ROBO1: variants seen among roughly 807,000 people sequenced by gnomAD.
ROBO1 encodes roundabout guidance receptor 1, also known as roundabout homolog 1.
A neutral mutation model predicts 195.9 loss-of-function variants in ROBO1; 149 were observed. The ratio of observed to expected loss-of-function variants is 0.76; its 90% CI spans 0.67 to 0.87. The LOEUF (loss-of-function observed/expected upper bound fraction) is 0.87, where lower values mean the gene tolerates loss of function less well. Ranked by LOEUF, ROBO1 falls within the 40% of genes least tolerant of loss-of-function variation. ROBO1 has a pLI of 0.00. For synonymous variants in ROBO1, 816 were observed against 733.2 expected (o/e 1.11, Z -1.82); for missense variants, 1,933 against 2,068.3 (o/e 0.93, Z 1.27).
rs192571674 is a variant in ROBO1, at chr3:79,459,110, T to A, written c.88+130714A>T. Among the ~76,000 whole-genome samples, 3 of 152,250 alleles carry A rather than the reference T, an allele frequency of 2.0e-5. No homozygotes were observed. The East Asian group carries it at 5.8e-4, about 29-fold the overall frequency. ...GTAATTTCCTGAAGTACAATATCAA[T>A]ATGCATCACATTTATACTTTACTAC... is the stretch of plus-strand genomic sequence containing the variant. On this transcript the variant is annotated intron_variant, in intron 2 of 30. Coordinates refer to ENST00000464233, the MANE Select transcript of ROBO1 (RefSeq NM_002941.4).
At chr3:79,368,304 G>A (rs946692339) in intron 2 of ROBO1, among the ~76,000 whole-genome samples, 1 of 152,126 alleles carries the variant, frequency 6.6e-6, no homozygotes, top group Non-Finnish European at 1.5e-5. Flanking sequence ...TCATGCTAGA[G>A]TCCTAGAGAC....
rs573200940 is a variant in ROBO1, at chr3:78,599,016, T to A, written c.4942-89A>T. 6.2e-5 allele frequency: 45 copies of A among 722,476 alleles called. No homozygotes were observed. The African/African-American group carries it at 7.8e-4, about 13-fold the overall frequency. 44.8% of individuals were successfully genotyped at this position (722,476 alleles called of 1,614,324 possible). On this transcript the variant is annotated intron_variant, in intron 30 of 30. Transcript: ENST00000464233. ...TTATATGCATTTATTATTATTATAA[T>A]TTAATGTGTCTTTTCATTTATTCAA...
intron 4 of ROBO1, among the ~76,000 whole-genome samples, chr3:78,760,465 A>G (rs2083069430): frequency 6.6e-6 from 1 of 152,122 alleles, no homozygotes; most frequent in Non-Finnish European, 1.5e-5. Flanking sequence ...CAGTACTCTA[A>G]CTAATTTAGT....
chr3:79,244,955 G>GT (rs1171394343), intron 2 of ROBO1, among the ~76,000 whole-genome samples: 1 of 152,044 alleles, frequency 6.6e-6, no homozygotes, highest in African/African-American at 2.4e-5. Flanking sequence ...ACAACAAGAC[G>GT]TAAGTGGCAT....
intron 11 of ROBO1, among the ~76,000 whole-genome samples, chr3:78,669,821 C>T (rs548690293): frequency 6.6e-6 from 1 of 152,326 alleles, no homozygotes; most frequent in African/African-American, 2.4e-5. Flanking sequence ...TATTCTCTCA[C>T]AAACCCTCAT....
chr3:79,030,295 G>T (rs2078271677), intron 3 of ROBO1, among the ~76,000 whole-genome samples: 1 of 152,178 alleles, frequency 6.6e-6, no homozygotes, highest in African/African-American at 2.4e-5. Context: ...GTGGTGAGAA[G>T]GTGGTATAGG....
At chr3:79,293,885 C>T (rs1419472520) in intron 2 of ROBO1, among the ~76,000 whole-genome samples, 4 of 150,622 alleles carry the variant, frequency 2.7e-5, no homozygotes, top group African/African-American at 4.9e-5. Flanking sequence ...GGTGAAACCC[C>T]GTCTCTACTA....
intron 1 of ROBO1, among the ~76,000 whole-genome samples, chr3:79,614,109 A>G (rs1944748022): frequency 6.6e-6 from 1 of 152,138 alleles, no homozygotes; most frequent in Admixed American, 6.6e-5. Flanking sequence ...AAATATCATT[A>G]GGAATACAGA....
At position 79,263,128 on chromosome 3, in the gene ROBO1, A is replaced by G. The variant is rs111827588; in HGVS notation, c.89-137589T>C. 8.0e-4 allele frequency among the ~76,000 whole-genome samples: 121 copies of G among 152,000 alleles called. 1 individual carries two copies. The highest frequency in any genetic ancestry group is 2.8e-3 in the African/African-American group (118 of 41,470). ...CATTTTCATATTTTCCCTTTCTTCA[A>G]TTTTCCTGCAGCTATGAAATCTGCG... On this transcript the variant is annotated intron_variant, in intron 2 of 30. Coordinates refer to ENST00000464233, the MANE Select transcript of ROBO1 (RefSeq NM_002941.4).
Position 79,445,480 on chromosome 3 carries a change from TG to T in ROBO1, c.88+144343del, listed in dbSNP as rs144942121. On this transcript the variant is annotated intron_variant, in intron 2 of 30. Coordinates refer to ENST00000464233, the MANE Select transcript of ROBO1 (RefSeq NM_002941.4). ...TTTTTTTGGTAAACAATACAGAAAT[TG>T]TTTTTTTTTTTTTTTTTTTTGGCGT... Among the ~76,000 whole-genome samples, 165 of 118,906 alleles carry T rather than the reference TG, an allele frequency of 1.4e-3. 1 individual carries two copies. Among genetic ancestry groups the T allele is most frequent in the African/African-American group, 3.4e-3 (108 of 31,684 alleles). 78.0% of individuals were successfully genotyped at this position (118,906 alleles called of 152,430 possible). A position where few individuals can be genotyped will look rare whatever the true frequency, so the allele number is the denominator to read the frequency against.
At chr3:78,710,801 A>T (rs1293745513) in intron 8 of ROBO1, among the ~76,000 whole-genome samples, 2 of 152,198 alleles carry the variant, frequency 1.3e-5, no homozygotes, top group Non-Finnish European at 1.5e-5. Flanking sequence ...AAGACATTTT[A>T]AAAAGTCTTC....
chr3:79,079,691 A>G (rs761235846), intron 3 of ROBO1, among the ~76,000 whole-genome samples: 2 of 151,832 alleles, frequency 1.3e-5, no homozygotes, highest in Non-Finnish European at 2.9e-5. Flanking sequence ...AAATCAAACG[A>G]CTAATGTTAT....
At chr3:79,391,724 G>A (rs2036958281) in intron 2 of ROBO1, among the ~76,000 whole-genome samples, 1 of 152,046 alleles carries the variant, frequency 6.6e-6, no homozygotes, top group South Asian at 2.1e-4. Context: ...GGGGATAAAA[G>A]CAACTGAAAT....
At chr3:78,943,011 G>A (rs2040222137) in intron 3 of ROBO1, among the ~76,000 whole-genome samples, 1 of 151,980 alleles carries the variant, frequency 6.6e-6, no homozygotes, top group Non-Finnish European at 1.5e-5. Flanking sequence ...TCAGGAGATG[G>A]AGACCATCCT....
chr3:79,037,794 T>C (rs184933417), intron 3 of ROBO1, among the ~76,000 whole-genome samples: 2 of 152,334 alleles, frequency 1.3e-5, no homozygotes, highest in Admixed American at 1.3e-4. Flanking sequence ...ACATTTTATG[T>C]TCTAATTTAG....
chr3:78,994,811 C>T (rs1022714948), intron 3 of ROBO1, among the ~76,000 whole-genome samples: 1 of 152,178 alleles, frequency 6.6e-6, no homozygotes, highest in African/African-American at 2.4e-5. Context: ...TCTAAAATTA[C>T]ACTGGTTGAA....
chr3:79,588,228 G>A (rs977181745), intron 2 of ROBO1, among the ~76,000 whole-genome samples: 2 of 151,754 alleles, frequency 1.3e-5, no homozygotes, highest in East Asian at 1.9e-4. Flanking sequence ...GCACCTAAGC[G>A]TTCAAGTTGA....
chr3:79,618,752 T>A (rs1944905143), intron 1 of ROBO1, among the ~76,000 whole-genome samples: 4 of 152,246 alleles, frequency 2.6e-5, no homozygotes, highest in Admixed American at 2.6e-4. Flanking sequence ...CATGAGGAGA[T>A]CCACCTACGA....
At chr3:79,269,766 G>A (rs546785663) in intron 2 of ROBO1, among the ~76,000 whole-genome samples, 3 of 151,734 alleles carry the variant, frequency 2.0e-5, no homozygotes, top group Non-Finnish European at 4.4e-5. Context: ...ATGAGCTGCA[G>A]ATGTGTTTAC....
Sources: allele counts gnomAD v4.1 joint callset (sites outside exome capture counted in the v4.1 genomes callset), GRCh38; gene constraint gnomAD v4.1.1; transcripts MANE v1.5; gene names NCBI Gene and HGNC (gene_info 2026-07-23, HGNC 2026-07-21).